The following ETV6 variants were observed in gnomAD, a reference collection of about 807,000 sequenced individuals.
ETV6 encodes ETS variant transcription factor 6.
In ETV6, 16 loss-of-function variants were observed where a neutral mutation model predicts 51.1. The ratio of observed to expected loss-of-function variants is 0.31; its 90% confidence interval spans 0.21 to 0.48. The LOEUF (loss-of-function observed/expected upper bound fraction) is 0.48. Among genes scored for constraint, ETV6 ranks in the 20% least tolerant of loss-of-function variants. The pLI, the probability that ETV6 is intolerant of heterozygous loss-of-function variation, is 0.99. For missense variants in ETV6, 458 were observed against 594.8 expected, an observed-to-expected ratio of 0.77 and a Z score of 2.39; for synonymous variants, 240 against 224.1, an observed-to-expected ratio of 1.07 and a Z score of -0.64.
chr12:11,656,905 A>C (rs988987623), intron 1 of ETV6, among the ~76,000 whole-genome samples: 1 of 151,614 alleles, frequency 6.6e-6, no homozygotes, highest in Non-Finnish European at 1.5e-5. Context: ...TCTCATGTAC[A>C]TCTTTAATAT....
chr12:11,889,348 TAGTG>T (rs1947253331), intron 7 of ETV6, among the ~76,000 whole-genome samples: 1 of 152,172 alleles, frequency 6.6e-6, no homozygotes, highest in Non-Finnish European at 1.5e-5. Flanking sequence ...ATAGTGCTAT[TAGTG>T]AGGGAGAGAT....
chr12:11,742,676 A>G (rs1042845033), intron 1 of ETV6, among the ~76,000 whole-genome samples: 1 of 152,232 alleles, frequency 6.6e-6, no homozygotes, highest in Non-Finnish European at 1.5e-5. Flanking sequence ...GCTTACATAA[A>G]AAAGTAATGT....
chr12:11,849,102 T>C (rs889197641), intron 3 of ETV6, among the ~76,000 whole-genome samples: 1 of 144,566 alleles, frequency 6.9e-6, no homozygotes, highest in African/African-American at 2.5e-5. Flanking sequence ...CAGAGACTGT[T>C]TTGGCGTTGT....
intron 2 of ETV6, among the ~76,000 whole-genome samples, chr12:11,822,283 G>T (rs1254623632): frequency 6.6e-6 from 1 of 152,162 alleles, no homozygotes; most frequent in Non-Finnish European, 1.5e-5. Flanking sequence ...TGGTAGTGAT[G>T]GGAATTCCCC....
intron 2 of ETV6, among the ~76,000 whole-genome samples, chr12:11,818,641 G>A (rs529053466): frequency 1.3e-5 from 2 of 152,100 alleles, no homozygotes; most frequent in Admixed American, 6.5e-5. Flanking sequence ...TACCAGTTAC[G>A]ATATGGGGCT....
intron 1 of ETV6, among the ~76,000 whole-genome samples, chr12:11,660,044 A>G (rs1864071274): frequency 6.6e-6 from 1 of 152,262 alleles, no homozygotes; most frequent in East Asian, 1.9e-4. Context: ...GTATTTCAAA[A>G]TAACTAGAAG....
At chr12:11,663,757 TTG>T (rs59364007) in intron 1 of ETV6, among the ~76,000 whole-genome samples, 132,076 of 151,450 alleles carry the variant, frequency 0.87, 57,585 homozygotes, top group Admixed American at 0.91. Flanking sequence ...TGTTGGTAGG[TTG>T]TGTGTGTGTG....
rs1488462803 is a variant in ETV6, at chr12:11,764,967, A to G, written c.163+12388A>G. On this transcript the variant is annotated intron_variant, in intron 2 of 7. Coordinates refer to ENST00000396373, the MANE Select transcript of ETV6 (RefSeq NM_001987.5). ...GGTAGGTGGGAGACAGGTCCATCCA[A>G]TATACACCTTGCCTTCCAATAGAAG... Among the ~76,000 whole-genome samples the G allele has an allele frequency of 2.6e-5, 4 of 152,172 alleles. No individual in the cohort carries two copies. In the East Asian group the frequency reaches 7.7e-4, roughly 29 times the overall value.
chr12:11,849,028 TG>T (rs1489964973), intron 3 of ETV6, among the ~76,000 whole-genome samples: 1 of 152,238 alleles, frequency 6.6e-6, no homozygotes, highest in African/African-American at 2.4e-5. Context: ...TACAGTGCTG[TG>T]GCGCATGCTC....
chr12:11,782,436 A>C (rs1185888594), intron 2 of ETV6, among the ~76,000 whole-genome samples: 1 of 152,160 alleles, frequency 6.6e-6, no homozygotes, highest in African/African-American at 2.4e-5. Flanking sequence ...CGTTATCTGA[A>C]ATGTGAAATG....
intron 7 of ETV6, among the ~76,000 whole-genome samples, chr12:11,888,969 G>C (rs1258338251): frequency 6.6e-6 from 1 of 151,994 alleles, no homozygotes; most frequent in Non-Finnish European, 1.5e-5. Flanking sequence ...CCTTCTCCCC[G>C]ACAACTAGAT....
chr12:11,884,658 T>C, intron 6 of ETV6, 71 bp downstream of exon 6: 1 of 1,578,712 alleles, frequency 6.3e-7, no homozygotes, highest in East Asian at 2.2e-5. Flanking sequence ...GATTGGAGGA[T>C]AATCGTCTGT....
rs1159128198 is a variant in ETV6 at position 11,774,440 on chromosome 12, ACT to A, written c.163+21864_163+21865del. 3.3e-5 allele frequency among the ~76,000 whole-genome samples: 5 copies of A among 151,966 alleles called. No individual in the cohort carries two copies. In the South Asian group the frequency reaches 8.3e-4, roughly 25 times the overall value. ...CTGGATGTAGGTGAAGAGACTATGG[ACT>A]CTGCCTTCATGTCATCAGTTAAAGT... is the stretch of plus-strand genomic sequence containing the variant. On this transcript the variant is annotated intron_variant, in intron 2 of 7. Coordinates refer to ENST00000396373, the MANE Select transcript of ETV6 (RefSeq NM_001987.5).
In ETV6 at chr12:11,893,157, C is replaced by T. The variant is rs1044053090; in HGVS notation, c.*2111C>T. ...TTCAGCCTCTAAGATGACTGGTATT[C>T]TATCTGAAATGCAGAGATTAAGCCA... is the stretch of plus-strand genomic sequence containing the variant. On this transcript the variant is annotated 3_prime_UTR_variant, in exon 8 of 8. Coordinates refer to ENST00000396373, the MANE Select transcript of ETV6 (RefSeq NM_001987.5). 24 of 232,712 alleles carry T rather than the reference C, an allele frequency of 1.0e-4. No individual in the cohort carries two copies. Among genetic ancestry groups the T allele is most frequent in the African/African-American group, 4.4e-4 (20 of 45,300 alleles). The allele number at this position is 232,712 out of a possible 1,614,324, so 14.4% of individuals were successfully genotyped here. A position where few individuals can be genotyped will look rare whatever the true frequency, so the allele number is the denominator to read the frequency against.
chr12:11,890,853 GTCTT>G (rs1947275681), intron 7 of ETV6, 84 bp from the exon 8 acceptor site: 1 of 987,792 alleles, frequency 1.0e-6, no homozygotes, highest in Non-Finnish European at 1.6e-6. Flanking sequence ...AGATGATGGA[GTCTT>G]TCTTTATATA....
At chr12:11,767,704 T>G (rs1268792338) in intron 2 of ETV6, among the ~76,000 whole-genome samples, 1 of 152,254 alleles carries the variant, frequency 6.6e-6, no homozygotes, top group Non-Finnish European at 1.5e-5. Flanking sequence ...ATAATCAGTT[T>G]TAAGAGGTTT....
At chr12:11,790,870 C>G (rs1591675782) in intron 2 of ETV6, among the ~76,000 whole-genome samples, 1 of 151,804 alleles carries the variant, frequency 6.6e-6, no homozygotes, top group Admixed American at 6.6e-5. Context: ...TAGAGACGGG[C>G]TTTCACCATG....
At chr12:11,685,018 A>T (rs904601402) in intron 1 of ETV6, among the ~76,000 whole-genome samples, 4 of 152,146 alleles carry the variant, frequency 2.6e-5, no homozygotes, top group African/African-American at 9.6e-5. Flanking sequence ...GGGAAGGCCT[A>T]GGAGGTGGCA....
At chr12:11,758,243 T>C (rs1037355769) in intron 2 of ETV6, among the ~76,000 whole-genome samples, 1 of 152,214 alleles carries the variant, frequency 6.6e-6, no homozygotes, top group South Asian at 2.1e-4. Context: ...CGACACCTAC[T>C]AATGAGGGCT....
Sources: gnomAD v4.1 joint callset for allele counts (sites outside exome capture counted in the v4.1 genomes callset) on GRCh38, gnomAD v4.1.1 for gene constraint, MANE v1.5 for transcripts, NCBI Gene and HGNC (gene_info 2026-07-23, HGNC 2026-07-21) for gene names.